The following SERINC2 variants were observed in gnomAD, a reference collection of about 807,000 sequenced individuals.
SERINC2 encodes the protein tumor differentially expressed protein 2.
In SERINC2, 56 loss-of-function variants were observed where a neutral mutation model predicts 54.2. The observed-to-expected ratio is 1.03, with a 90% confidence interval of 0.83 to 1.29. The LOEUF is 1.29. Ranked by LOEUF, SERINC2 falls within the 50% of genes most tolerant of loss-of-function variation. The pLI is 0.00. For missense variants in SERINC2, 614 were observed against 607.4 expected, an observed-to-expected ratio of 1.01 and a Z score of -0.12; for synonymous variants, 272 against 253.1, an observed-to-expected ratio of 1.07 and a Z score of -0.71.
intron 4 of SERINC2, 51 bp from the exon 5 acceptor site, chr1:31,425,725 G>C: frequency 1.9e-6 from 3 of 1,596,248 alleles, no homozygotes; most frequent in Non-Finnish European, 2.6e-6. Flanking sequence ...TGTTGAACGA[G>C]TAGATGTGAG....
upstream of SERINC2, chr1:31,410,107 T>C (rs1640623469): frequency 7.7e-7 from 1 of 1,306,750 alleles, no homozygotes; most frequent in Non-Finnish European, 1.0e-6. Flanking sequence ...TACATAGCAT[T>C]GGGTGGAGAA....
At chr1:31,414,351 G>T in intron 1 of SERINC2, 5 of 1,284,352 alleles carry the variant, frequency 3.9e-6, no homozygotes, top group Non-Finnish European at 4.9e-6. Flanking sequence ...ACACAAAGAG[G>T]CCCTGAGAGG....
chr1:31,413,814 T>G lies in SERINC2; in HGVS notation c.39+510T>G. The G allele has an allele frequency of 1.2e-5, 17 of 1,374,482 alleles. No individual in the cohort carries two copies. Among genetic ancestry groups the G allele is most frequent in the Admixed American group, 3.2e-5 (1 of 30,976 alleles). 85.1% of individuals were successfully genotyped at this position (1,374,482 alleles called of 1,614,324 possible). On this transcript the variant is annotated intron_variant, in intron 1 of 9. Coordinates refer to ENST00000373709, the MANE Select transcript of SERINC2 (RefSeq NM_178865.5). The surrounding 1 kb of genome is among the most constrained non-coding windows in gnomAD (Gnocchi z 5.0). ...CGCTCGGGCTCCGCCTGTCCGTTCG[T>G]ATTTGTCTGGTTCCTGTCTGTGTCC...
At chr1:31,432,128 A>AGAGGG (rs1641293390) in intron 8 of SERINC2, among the ~76,000 whole-genome samples, 1 of 92,832 alleles carries the variant, frequency 1.1e-5, no homozygotes, top group African/African-American at 5.0e-5. Context: ...GTTAGGGTGG[A>AGAGGG]TAGGGTGGAC....
rs1553133488 is a variant in SERINC2 at position 31,425,764 on chromosome 1, C to G, written c.473-12C>G. ...GGGACCCTCCTCGCCTCACTCCCCT[C>G]TCCCCACCCAGTCTGGTTCTACTTC... On this transcript the variant is annotated splice_polypyrimidine_tract_variant and intron_variant, in intron 4 of 9. Coordinates refer to ENST00000373709, the MANE Select transcript of SERINC2 (RefSeq NM_178865.5). 7 of 1,611,920 alleles carry G rather than the reference C, an allele frequency of 4.3e-6. No homozygotes were observed. The South Asian group carries it at 6.6e-5, about 15-fold the overall frequency.
intron 1 of SERINC2, chr1:31,414,734 G>A: frequency 1.0e-6 from 1 of 985,460 alleles, no homozygotes; most frequent in Non-Finnish European, 1.2e-6. Context: ...TGGTGAGGGA[G>A]GCAGAGCTTC....
chr1:31,423,514 T>C (rs1441428452), intron 1 of SERINC2, among the ~76,000 whole-genome samples, 179 bp from the exon 2 acceptor site: 2 of 152,222 alleles, frequency 1.3e-5, no homozygotes, highest in Non-Finnish European at 2.9e-5. Context: ...GGTTACTGGC[T>C]GTGTAGCCCT....
upstream of SERINC2, chr1:31,413,058 G>A (rs1640679820): frequency 3.9e-6 from 3 of 769,886 alleles, no homozygotes; most frequent in Non-Finnish European, 3.2e-6. The surrounding 1 kb of genome is among the most constrained non-coding windows in gnomAD (Gnocchi z 5.0). Flanking sequence ...ATCCCCGACC[G>A]GCCCCTTCCC....
intron 2 of SERINC2, 99 bp from the exon 3 acceptor site, chr1:31,424,584 C>A (rs2148518565): frequency 9.6e-7 from 1 of 1,042,908 alleles, no homozygotes; most frequent in East Asian, 2.7e-5. Flanking sequence ...GAGCCTCTTT[C>A]CTGGCCGGCC....
chr1:31,411,819 G>A (rs1640653225), upstream of SERINC2, among the ~76,000 whole-genome samples: 1 of 151,936 alleles, frequency 6.6e-6, no homozygotes, highest in Non-Finnish European at 1.5e-5. Context: ...ACAACATAAG[G>A]AGACCTCATC....
intron 8 of SERINC2, among the ~76,000 whole-genome samples, chr1:31,429,894 A>T (rs1641150003): frequency 6.6e-6 from 1 of 151,434 alleles, no homozygotes; most frequent in Admixed American, 6.6e-5. Context: ...AACCTTTCTG[A>T]GCTCCTGTTT....
Position 31,434,260 on chromosome 1 carries a change from C to G in SERINC2, c.*61C>G. On this transcript the variant is annotated 3_prime_UTR_variant, in exon 10 of 10. Transcript: ENST00000373709. ...CACCTGGTGCCTCTCGGCTCAGTGACAGCCAACCTGCCCCCTCCCCACACC... is the reference window on the plus strand; with the variant it reads ...CACCTGGTGCCTCTCGGCTCAGTGAGAGCCAACCTGCCCCCTCCCCACACC... 1.9e-6 allele frequency: 3 copies of G among 1,539,028 alleles called. No individual in the cohort carries two copies. Among genetic ancestry groups the G allele is most frequent in the Non-Finnish European group, 2.6e-6 (3 of 1,133,470 alleles).
At position 31,426,648 on chromosome 1, in the gene SERINC2, G is replaced by A. The variant is rs1430861847; in HGVS notation, c.611-6G>A. 6.2e-7 allele frequency: 1 copy of A among 1,603,578 alleles called. No homozygotes were observed. The highest frequency in any genetic ancestry group is 8.5e-7 in the Non-Finnish European group (1 of 1,172,114). ...TGCCTACCCTCTCACTACCCCTCTG[G>A]CCCAGGCCTCTTCTTCTTCACTCTC... On this transcript the variant is annotated splice_region_variant and splice_polypyrimidine_tract_variant and intron_variant, in intron 5 of 9. Transcript: ENST00000373709.
intron 1 of SERINC2, among the ~76,000 whole-genome samples, chr1:31,416,211 A>G (rs1640778061): frequency 1.3e-5 from 2 of 152,184 alleles, no homozygotes; most frequent in Admixed American, 6.5e-5. Flanking sequence ...GCACAGCTGC[A>G]TATTTAGCAC....
chr1:31,425,409 A>G lies in SERINC2; in HGVS notation c.472A>G (p.Ile158Val). 6.2e-7 allele frequency: 1 copy of G among 1,605,924 alleles called. No homozygotes were observed. ...CATTCCTGACGGCTCCTTCACCAAC[A>G]GTAGGCGGACTTGGCAGGAGGCATG... ...FYIPDGSFTNIWFYFGVVGSF... is the reference protein window; with the variant it reads ...FYIPDGSFTNVWFYFGVVGSF... The change falls in exon 4 of 10, where the codon ATC becomes GTC. Residue 158 changes from isoleucine (I) to valine (V), a missense_variant and splice_region_variant. Coordinates refer to ENST00000373709, the MANE Select transcript of SERINC2 (RefSeq NM_178865.5).
intron 1 of SERINC2, among the ~76,000 whole-genome samples, chr1:31,417,401 C>G (rs1024793166): frequency 8.3e-4 from 126 of 152,302 alleles, no homozygotes; most frequent in African/African-American, 3.0e-3. Context: ...TGTAGCTTTT[C>G]TCACCCTTTC....
Position 31,413,983 on chromosome 1 carries a change from G to A in SERINC2, c.39+679G>A. 1 of 1,529,140 alleles carries A rather than the reference G, an allele frequency of 6.5e-7. No individual in the cohort carries two copies. Among genetic ancestry groups the A allele is most frequent in the Non-Finnish European group, 8.7e-7 (1 of 1,144,298 alleles). The allele number at this position is 1,529,140 out of a possible 1,614,324, so 94.7% of individuals were successfully genotyped here. A position where few individuals can be genotyped will look rare whatever the true frequency, so the allele number is the denominator to read the frequency against. ...CTCAGGCACTTCCCCAGCTCGCCCC[G>A]GATCATCTGGGCCCCAGCGCGGAGA... On this transcript the variant is annotated intron_variant, in intron 1 of 9. Transcript: ENST00000373709. The surrounding 1 kb of genome is among the most constrained non-coding windows in gnomAD (Gnocchi z 5.0).
At chr1:31,409,939 C>A (rs781806628), upstream of SERINC2, 15 of 1,239,602 alleles carry the variant, frequency 1.2e-5, no homozygotes, top group Non-Finnish European at 1.6e-5. Flanking sequence ...AAAACTCAGG[C>A]CCAGTGAGAT....
At chr1:31,431,778 T>TAGGGTGGAG (rs1557499713) in intron 8 of SERINC2, among the ~76,000 whole-genome samples, 2 of 9,916 alleles carry the variant, frequency 2.0e-4, no homozygotes, top group South Asian at 3.4e-3. Flanking sequence ...AGAGGGTGAA[T>TAGGGTGGAG]AGGGTGGATA....
Sources: gnomAD v4.1 joint callset for allele counts (sites outside exome capture counted in the v4.1 genomes callset) on GRCh38, gnomAD v4.1.1 for gene constraint, Gnocchi (gnomAD v3.1) non-coding constraint, MANE v1.5 for transcripts, NCBI Gene and HGNC (gene_info 2026-07-23, HGNC 2026-07-21) for gene names.